Variants in KLF12 observed in about 807,000 individuals in gnomAD.
KLF12 encodes KLF transcription factor 12.
Under a neutral mutation model 37.8 loss-of-function variants are expected in KLF12, and 9 were observed. The observed-to-expected ratio is 0.24, with a 90% CI of 0.14 to 0.42. The LOEUF (loss-of-function observed/expected upper bound fraction) is 0.42. Among genes scored for constraint, KLF12 ranks in the 10% least tolerant of loss-of-function variants. The pLI is 1.00. For missense variants in KLF12, 411 were observed against 516.0 expected (o/e 0.80, Z 1.97); for synonymous variants, 208 against 202.1 (o/e 1.03, Z -0.25).
chr13:73,929,514 A>G (rs748115789), intron 3 of KLF12, among the ~76,000 whole-genome samples: 117 of 152,328 alleles, frequency 7.7e-4, no homozygotes, highest in Non-Finnish European at 1.4e-3. Flanking sequence ...ATCAGAAAAG[A>G]GAGTACATCT....
the KLF12 span, among the ~76,000 whole-genome samples, chr13:74,141,485 A>G: frequency 1.3e-5 from 2 of 152,202 alleles, no homozygotes; most frequent in African/African-American, 4.8e-5. Flanking sequence ...TTTCATCTAC[A>G]AACAATGGAA....
chr13:74,002,386 T>A (rs1566499884), intron 1 of KLF12, among the ~76,000 whole-genome samples: 1 of 152,242 alleles, frequency 6.6e-6, no homozygotes, highest in Non-Finnish European at 1.5e-5. Flanking sequence ...TCTTTATTTA[T>A]GTTTTCGAGA....
the KLF12 span, among the ~76,000 whole-genome samples, chr13:74,177,952 G>GT: frequency 6.6e-6 from 1 of 152,236 alleles, no homozygotes; most frequent in African/African-American, 2.4e-5. Flanking sequence ...TGAGCATTGT[G>GT]TTTGACTGTG....
At chr13:73,892,413 G>C (rs991119722) in intron 3 of KLF12, among the ~76,000 whole-genome samples, 1 of 152,086 alleles carries the variant, frequency 6.6e-6, no homozygotes, top group Non-Finnish European at 1.5e-5. Context: ...AAAAACGCTA[G>C]AATCAAATGT....
chr13:74,185,288 T>C, the KLF12 span, among the ~76,000 whole-genome samples: 1 of 152,232 alleles, frequency 6.6e-6, no homozygotes, highest in African/African-American at 2.4e-5. Flanking sequence ...CAAATGGTCT[T>C]ACACAGTCTT....
At chr13:73,951,781 C>T (rs1223351777) in intron 2 of KLF12, among the ~76,000 whole-genome samples, 1 of 152,190 alleles carries the variant, frequency 6.6e-6, no homozygotes, top group Non-Finnish European at 1.5e-5. Flanking sequence ...AATGCTCCTC[C>T]CTCCAGGACT....
chr13:73,885,412 C>T (rs1016872083), intron 3 of KLF12, among the ~76,000 whole-genome samples: 3 of 152,172 alleles, frequency 2.0e-5, no homozygotes, highest in Non-Finnish European at 4.4e-5. Context: ...TACTTCATCC[C>T]TAATATCACA....
At chr13:73,751,882 G>A (rs1388983776) in intron 6 of KLF12, among the ~76,000 whole-genome samples, 4 of 152,200 alleles carry the variant, frequency 2.6e-5, no homozygotes, top group Admixed American at 6.5e-5. Context: ...GCATGTGCAC[G>A]TGGGGTGAAG....
At chr13:73,914,923 GC>G (rs1433697397) in intron 3 of KLF12, among the ~76,000 whole-genome samples, 3 of 151,874 alleles carry the variant, frequency 2.0e-5, no homozygotes, top group African/African-American at 7.3e-5. Context: ...GTTTCCTAAT[GC>G]TTATATAACA....
the KLF12 span, among the ~76,000 whole-genome samples, chr13:74,200,173 C>A: frequency 7.4e-6 from 1 of 136,018 alleles, no homozygotes; most frequent in African/African-American, 2.7e-5. Context: ...CATGGCTAAC[C>A]TTTTCTAAGC....
intron 1 of KLF12, among the ~76,000 whole-genome samples, chr13:74,081,033 A>C (rs909863044): frequency 6.6e-6 from 1 of 152,228 alleles, no homozygotes; most frequent in East Asian, 1.9e-4. Context: ...TTGGGTGTGC[A>C]AACATTCAGA....
intron 2 of KLF12, among the ~76,000 whole-genome samples, chr13:73,983,335 A>G (rs1891737849): frequency 6.6e-6 from 1 of 152,198 alleles, no homozygotes; most frequent in African/African-American, 2.4e-5. Context: ...TGGTGCCAGC[A>G]TGATTCAACT....
chr13:73,833,830 C>A (rs1884290386), intron 4 of KLF12, among the ~76,000 whole-genome samples: 2 of 152,034 alleles, frequency 1.3e-5, no homozygotes, highest in Non-Finnish European at 2.9e-5. Flanking sequence ...TGAGGACGTG[C>A]GGAGGCTTGC....
At chr13:73,718,734 A>G (rs1352998636) in intron 6 of KLF12, among the ~76,000 whole-genome samples, 1 of 152,132 alleles carries the variant, frequency 6.6e-6, no homozygotes, top group Non-Finnish European at 1.5e-5. Flanking sequence ...CTCTACAAAA[A>G]CATACAAAAA....
chr13:73,934,950 ATTATTTATTTAT>A (rs146314583), intron 3 of KLF12, among the ~76,000 whole-genome samples: 65 of 139,646 alleles, frequency 4.7e-4, no homozygotes, highest in East Asian at 2.3e-3. Flanking sequence ...ATAGGTTTTT[ATTATTTATTTAT>A]TTATTTATTT....
intron 4 of KLF12, 131 bp from the exon 5 acceptor site, chr13:73,813,418 A>G: frequency 2.0e-6 from 2 of 976,450 alleles, no homozygotes; most frequent in Non-Finnish European, 3.1e-6. Flanking sequence ...CACAGGAATC[A>G]GTGAAAGCTC....
chr13:73,744,909 C>T (rs1439226581), intron 6 of KLF12, among the ~76,000 whole-genome samples: 1 of 152,150 alleles, frequency 6.6e-6, no homozygotes, highest in Non-Finnish European at 1.5e-5. Flanking sequence ...GAAAAGAACT[C>T]AACATTCATG....
chr13:74,066,135 C>T (rs1410213791), intron 1 of KLF12, among the ~76,000 whole-genome samples: 1 of 152,012 alleles, frequency 6.6e-6, no homozygotes, highest in Non-Finnish European at 1.5e-5. Flanking sequence ...CGTGGACCTG[C>T]AGGCAACACT....
chr13:73,755,875 C>T (rs966303771), intron 6 of KLF12, among the ~76,000 whole-genome samples: 4 of 152,114 alleles, frequency 2.6e-5, no homozygotes, highest in Non-Finnish European at 5.9e-5. Context: ...TCCTGAGTTA[C>T]TTCACTTAGA....
Sources: allele counts gnomAD v4.1 joint callset (sites outside exome capture counted in the v4.1 genomes callset), GRCh38; gene constraint gnomAD v4.1.1; transcripts MANE v1.5; gene names NCBI Gene and HGNC (gene_info 2026-07-23, HGNC 2026-07-21).